The following DPP10 variants were observed in gnomAD, a reference collection of about 807,000 sequenced individuals.
The protein encoded by DPP10 is dipeptidyl peptidase like 10.
Under a neutral mutation model 120.9 loss-of-function variants are expected in DPP10, and 33 were observed. That is an observed-to-expected ratio of 0.27 (90% confidence interval 0.21 to 0.37). DPP10 has a LOEUF of 0.37. DPP10 is among the 10% of genes least tolerant of loss of function. The pLI is 1.00. For synonymous variants in DPP10, 337 were observed against 326.1 expected, an observed-to-expected ratio of 1.03 and a Z score of -0.36; for missense variants, 816 against 942.8, an observed-to-expected ratio of 0.87 and a Z score of 1.76.
At chr2:115,829,661 CT>C (rs763657528) in intron 21 of DPP10, among the ~76,000 whole-genome samples, 1 of 151,952 alleles carries the variant, frequency 6.6e-6, no homozygotes, top group Non-Finnish European at 1.5e-5. Context: ...TCTTTTATTT[CT>C]TTTTTTATAT....
At chr2:115,045,419 G>A (rs745490006) in intron 1 of DPP10, among the ~76,000 whole-genome samples, 6 of 152,050 alleles carry the variant, frequency 3.9e-5, no homozygotes, top group East Asian at 1.9e-4. Context: ...AAATATCAGC[G>A]TTCTATAAAT....
intron 13 of DPP10, among the ~76,000 whole-genome samples, chr2:115,768,659 G>T (rs1681089289): frequency 6.6e-6 from 1 of 152,076 alleles, no homozygotes; most frequent in African/African-American, 2.4e-5. Context: ...TTGGGATAGA[G>T]AATTTAATAA....
At chr2:115,198,054 T>C (rs1445670804) in intron 1 of DPP10, among the ~76,000 whole-genome samples, 1 of 152,202 alleles carries the variant, frequency 6.6e-6, no homozygotes, top group Non-Finnish European at 1.5e-5. Context: ...TCTCAAACTC[T>C]TTCTCTATTT....
chr2:115,100,162 T>C (rs2048609629), intron 1 of DPP10, among the ~76,000 whole-genome samples: 1 of 152,100 alleles, frequency 6.6e-6, no homozygotes, highest in South Asian at 2.1e-4. Flanking sequence ...TTGTCTCTGT[T>C]GGCTGCATGC....
intron 1 of DPP10, among the ~76,000 whole-genome samples, chr2:114,546,120 A>G (rs1687376610): frequency 1.3e-5 from 2 of 151,840 alleles, no homozygotes; most frequent in East Asian, 3.9e-4. Context: ...GTATCAGTCC[A>G]TTTTTTCATT....
intron 5 of DPP10, among the ~76,000 whole-genome samples, chr2:115,544,429 C>T (rs2079372324): frequency 6.6e-6 from 1 of 151,994 alleles, no homozygotes; most frequent in Non-Finnish European, 1.5e-5. Flanking sequence ...CCTAAGTATT[C>T]ACATCTTACA....
At chr2:114,782,970 T>C (rs1281208419) in intron 1 of DPP10, among the ~76,000 whole-genome samples, 1 of 151,974 alleles carries the variant, frequency 6.6e-6, no homozygotes, top group Non-Finnish European at 1.5e-5. Flanking sequence ...TATGTAATAA[T>C]AAAATGAGAA....
At chr2:114,609,742 A>G (rs1301469839) in intron 1 of DPP10, among the ~76,000 whole-genome samples, 1 of 152,186 alleles carries the variant, frequency 6.6e-6, no homozygotes, top group African/African-American at 2.4e-5. Flanking sequence ...TTCCTCTTGA[A>G]AACTTTCAGA....
At chr2:115,271,410 G>A (rs1213690010) in intron 1 of DPP10, among the ~76,000 whole-genome samples, 3 of 152,130 alleles carry the variant, frequency 2.0e-5, no homozygotes, top group Non-Finnish European at 4.4e-5. Flanking sequence ...AGTCACACAA[G>A]GGATCATGCT....
intron 1 of DPP10, among the ~76,000 whole-genome samples, chr2:114,483,968 C>G (rs563999234): frequency 3.3e-5 from 5 of 152,262 alleles, no homozygotes; most frequent in African/African-American, 1.2e-4. Flanking sequence ...CAACTTTACT[C>G]ATTTACATGA....
At chr2:115,629,336 T>C (rs1487168776) in intron 5 of DPP10, among the ~76,000 whole-genome samples, 2 of 152,174 alleles carry the variant, frequency 1.3e-5, no homozygotes, top group East Asian at 1.9e-4. Flanking sequence ...TACCCAGTAA[T>C]GGGATGGCTG....
intron 1 of DPP10, among the ~76,000 whole-genome samples, chr2:114,490,055 C>A (rs1448294608): frequency 1.3e-5 from 2 of 152,182 alleles, no homozygotes. Context: ...ATGACTTCTC[C>A]ACCAGAGACT....
chr2:114,630,891 A>T (rs1418719898), intron 1 of DPP10, among the ~76,000 whole-genome samples: 1 of 151,976 alleles, frequency 6.6e-6, no homozygotes, highest in African/African-American at 2.4e-5. Context: ...TCAAGTCTAA[A>T]AATGGGAGTC....
At chr2:115,231,558 A>C (rs1352119380) in intron 1 of DPP10, among the ~76,000 whole-genome samples, 1 of 152,168 alleles carries the variant, frequency 6.6e-6, no homozygotes. Context: ...TTCATCTCTT[A>C]AATGGTTAGT....
intron 1 of DPP10, among the ~76,000 whole-genome samples, chr2:114,952,817 G>T (rs1488814607): frequency 6.6e-6 from 1 of 152,172 alleles, no homozygotes; most frequent in South Asian, 2.1e-4. Context: ...GTTAGGACAT[G>T]CCTAGAGTTC....
chr2:114,989,838 T>C (rs1388157833), intron 1 of DPP10, among the ~76,000 whole-genome samples: 1 of 152,232 alleles, frequency 6.6e-6, no homozygotes, highest in Admixed American at 6.5e-5. Context: ...TGATGTTAAA[T>C]GCTTTTTAAA....
At chr2:115,725,805 T>C (rs1305222859) in intron 7 of DPP10, among the ~76,000 whole-genome samples, 1 of 152,136 alleles carries the variant, frequency 6.6e-6, no homozygotes, top group Non-Finnish European at 1.5e-5. Flanking sequence ...AGGAATTTCC[T>C]CCAAATAAGG....
At chr2:115,399,086 A>T (rs558829400) in intron 3 of DPP10, among the ~76,000 whole-genome samples, 2 of 152,242 alleles carry the variant, frequency 1.3e-5, no homozygotes, top group East Asian at 3.9e-4. Flanking sequence ...AGTGTCGGTG[A>T]CATTTTGTTG....
chr2:115,647,883 G>A (rs543690823), intron 5 of DPP10, among the ~76,000 whole-genome samples: 7 of 152,250 alleles, frequency 4.6e-5, no homozygotes, highest in South Asian at 2.1e-4. Flanking sequence ...TAATGCTACC[G>A]CATTGAAAAC....
Sources: allele counts gnomAD v4.1 joint callset (sites outside exome capture counted in the v4.1 genomes callset), GRCh38; gene constraint gnomAD v4.1.1; transcripts MANE v1.5; gene names NCBI Gene and HGNC (gene_info 2026-07-23, HGNC 2026-07-21).